COL6A3: variants seen among roughly 807,000 people sequenced by gnomAD.
COL6A3 encodes collagen alpha-3(VI) chain.
A neutral mutation model predicts 274.1 loss-of-function variants in COL6A3; 137 were observed. That is an observed-to-expected ratio of 0.50 (90% CI 0.44 to 0.58). COL6A3 has a LOEUF of 0.58. Among genes scored for constraint, COL6A3 ranks in the 20% least tolerant of loss-of-function variants. The probability of loss-of-function intolerance (pLI) is 0.00; values close to 1 mark genes in which losing one functional copy is unlikely to be tolerated. For missense variants in COL6A3, 3,950 were observed against 4,124.9 expected, an observed-to-expected ratio of 0.96 and a Z score of 1.16; for synonymous variants, 1,650 against 1,650.6, an observed-to-expected ratio of 1.00 and a Z score of 0.01.
chr2:237,375,573 G>T (rs145617821), intron 7 of COL6A3, among the ~76,000 whole-genome samples: 1 of 152,044 alleles, frequency 6.6e-6, no homozygotes, highest in South Asian at 2.1e-4. Context: ...ACAGAATTTC[G>T]CTCTTGTCGC....
At position 237,376,982 on chromosome 2, in the gene COL6A3, C is replaced by T. The variant is rs755030674; in HGVS notation, c.2860G>A (p.Asp954Asn). The change falls in exon 7 of 44, where the codon GAC (aspartate) becomes AAC (asparagine). Residue 954 changes from aspartate (D) to asparagine (N), a missense_variant. Physicochemically the swap from Asp to Asn is conservative, Grantham distance 23. Around this residue, in one of 5 missense-constraint regions of COL6A3, gnomAD observed 1,934 missense variants for 1,984.3 expected, o/e 0.97. Coordinates refer to ENST00000295550, the MANE Select transcript of COL6A3 (RefSeq NM_004369.4). ...LVLLVAGRSS[D>N]RVDGPASNLK... ...TTACTTGCTGGCCCATCCACACGGT[C>T]AGATGACCTTCCTGCGACCAGCAGC... 3 of 1,614,076 alleles carry T rather than the reference C, an allele frequency of 1.9e-6. No homozygotes were observed. In the African/African-American group the frequency reaches 4.0e-5, roughly 22 times the overall value.
intron 1 of COL6A3, among the ~76,000 whole-genome samples, chr2:237,408,002 G>A (rs895532460): frequency 2.0e-5 from 3 of 152,190 alleles, no homozygotes; most frequent in Admixed American, 2.0e-4. Flanking sequence ...ATGAACTAAG[G>A]TGCTACTGAC....
In COL6A3 at chr2:237,324,576, A is replaced by G; in HGVS notation, c.*198T>C. 1.7e-6 allele frequency: 1 copy of G among 593,810 alleles called. No individual in the cohort carries two copies. The highest frequency in any genetic ancestry group is 2.0e-5 in the South Asian group (1 of 49,790). 36.8% of individuals were successfully genotyped at this position (593,810 alleles called of 1,614,324 possible). On this transcript the variant is annotated 3_prime_UTR_variant, in exon 44 of 44. Coordinates refer to ENST00000295550, the MANE Select transcript of COL6A3 (RefSeq NM_004369.4). ...GTATTCGAGAGAACTGCCTGGAGACAGAGAGCGAGGGTCCACAGACACATT... is the reference window on the plus strand; with the variant it reads ...GTATTCGAGAGAACTGCCTGGAGACGGAGAGCGAGGGTCCACAGACACATT...
chr2:237,380,683 T>C (rs544402906), intron 5 of COL6A3, among the ~76,000 whole-genome samples: 15 of 152,326 alleles, frequency 9.8e-5, no homozygotes, highest in Non-Finnish European at 1.3e-4. Flanking sequence ...TGGCCCATGG[T>C]CCTGTGGTTT....
intron 40 of COL6A3, 65 bp downstream of exon 40, chr2:237,336,070 G>A (rs1004645280): frequency 1.3e-6 from 2 of 1,584,544 alleles, no homozygotes; most frequent in Non-Finnish European, 1.7e-6. Context: ...AGGCTTTGAG[G>A]AACACACCCT....
At chr2:237,346,810 A>T (rs914866522) in intron 31 of COL6A3, among the ~76,000 whole-genome samples, 7 of 152,112 alleles carry the variant, frequency 4.6e-5, no homozygotes, top group African/African-American at 1.7e-4. Context: ...CTGCCAGGCT[A>T]AGGTAAGACA....
chr2:237,337,823 G>T (rs901290308), intron 39 of COL6A3, among the ~76,000 whole-genome samples: 7 of 152,160 alleles, frequency 4.6e-5, no homozygotes, highest in Non-Finnish European at 7.3e-5. Context: ...ATGAAACACG[G>T]CACATGGGCC....
At chr2:237,396,465 T>A (rs890963650) in intron 2 of COL6A3, among the ~76,000 whole-genome samples, 1 of 152,172 alleles carries the variant, frequency 6.6e-6, no homozygotes, top group East Asian at 1.9e-4. Context: ...TCCGTTCACA[T>A]CCAATGTAAA....
chr2:237,352,682 C>G (rs1297525115), intron 25 of COL6A3, 98 bp from the exon 26 acceptor site: 2 of 1,183,714 alleles, frequency 1.7e-6, no homozygotes, highest in East Asian at 5.0e-5. Flanking sequence ...TGGAACCTCA[C>G]TTCTGCTGGC....
At chr2:237,352,326 A>C (rs1290645258) in intron 26 of COL6A3, among the ~76,000 whole-genome samples, 196 bp downstream of exon 26, 1 of 152,218 alleles carries the variant, frequency 6.6e-6, no homozygotes, top group Non-Finnish European at 1.5e-5. Context: ...GCACCAAAAA[A>C]GGAAACTCTT....
intron 25 of COL6A3, 145 bp from the exon 26 acceptor site, chr2:237,352,729 T>C: frequency 2.7e-6 from 2 of 737,800 alleles, no homozygotes; most frequent in South Asian, 3.0e-5. Context: ...TATCCTGTCT[T>C]AGCTGCAGTA....
intron 3 of COL6A3, among the ~76,000 whole-genome samples, chr2:237,390,716 C>A (rs1228755990): frequency 6.6e-6 from 1 of 152,136 alleles, no homozygotes; most frequent in Non-Finnish European, 1.5e-5. Context: ...TGTGATGCCT[C>A]CTTTCATTAA....
chr2:237,339,032 C>T lies in COL6A3; in HGVS notation c.8550G>A (p.Lys2850=). Residue 2850 remains lysine (K), a synonymous_variant, in exon 39 of 44, where the codon AAG becomes AAA. Coordinates refer to ENST00000295550, the MANE Select transcript of COL6A3 (RefSeq NM_004369.4). ...QGDQPTKNLV[K]FGHKQVNVPN... is the part of the protein sequence containing the mutation. ...TCACTTACACTTGTTTGTGACCAAA[C>T]TTCACAAGGTTCTTTGTGGGTTGGT... is the stretch of plus-strand genomic sequence containing the variant. The T allele has an allele frequency of 1.9e-6, 3 of 1,613,852 alleles. No homozygotes were observed. The highest frequency in any genetic ancestry group is 2.2e-5 in the East Asian group (1 of 44,874).
intron 25 of COL6A3, 146 bp downstream of exon 25, chr2:237,353,195 G>C: frequency 3.8e-6 from 3 of 789,254 alleles, no homozygotes; most frequent in Non-Finnish European, 6.4e-6. Flanking sequence ...TAGAGGTGAT[G>C]ATTGCACAGC....
intron 3 of COL6A3, 139 bp downstream of exon 3, chr2:237,394,448 C>T (rs2078374447): frequency 1.9e-6 from 2 of 1,050,804 alleles, no homozygotes; most frequent in South Asian, 2.7e-5. Flanking sequence ...CCAAATCAAA[C>T]CTTTGTTTTT....
intron 42 of COL6A3, among the ~76,000 whole-genome samples, chr2:237,331,632 C>T (rs1399723275): frequency 1.3e-5 from 2 of 151,892 alleles, no homozygotes; most frequent in African/African-American, 4.8e-5. Flanking sequence ...ATATATTCAT[C>T]AGGCCAAGGC....
rs1434102843 is a variant in COL6A3 at position 237,374,503 on chromosome 2, G to A, written c.3588C>T (p.Thr1196=). ...CCCTCTCAGAGATGACCTGTTGGAC[G>A]GTCCCCAGCTGGCGAAAGGTGGGAA... ...VAIPTFRQLG[T]VQQVISERVT... is the part of the protein sequence containing the mutation. The change falls in exon 8 of 44, where the codon ACC becomes ACT. Residue 1196 remains threonine, a synonymous_variant. Transcript: ENST00000295550. The surrounding 1 kb of genome is among the most constrained non-coding windows in gnomAD (Gnocchi z 4.8). 1.1e-5 allele frequency: 18 copies of A among 1,614,136 alleles called. No individual in the cohort carries two copies. The highest frequency in any genetic ancestry group is 1.6e-4 in the Middle Eastern group (1 of 6,062).
chr2:237,332,310 T>G (rs1472352664), intron 42 of COL6A3, among the ~76,000 whole-genome samples: 1 of 151,594 alleles, frequency 6.6e-6, no homozygotes. Context: ...TCTTTTTCTC[T>G]CAATGAAGCA....
At chr2:237,358,677 AG>A in intron 20 of COL6A3, 94 bp from the exon 21 acceptor site, 1 of 1,141,506 alleles carries the variant, frequency 8.8e-7, no homozygotes, top group Non-Finnish European at 1.3e-6. Context: ...AATCTTAACT[AG>A]AACAATGTTT....
Sources: gnomAD v4.1 joint callset for allele counts (sites outside exome capture counted in the v4.1 genomes callset) on GRCh38, gnomAD v4.1.1 for gene constraint, gnomAD v4.1.1 regional missense constraint, Gnocchi (gnomAD v3.1) non-coding constraint, MANE v1.5 for transcripts, NCBI Gene and HGNC (gene_info 2026-07-23, HGNC 2026-07-21) for gene names.